Variants in FBXO22 observed in about 807,000 individuals in gnomAD.
FBXO22 encodes the protein F-box only protein 22.
In FBXO22, 13 loss-of-function variants were observed where a neutral mutation model predicts 37.2. That is an observed-to-expected ratio of 0.35 (90% CI 0.23 to 0.56). The LOEUF is 0.56. Among genes scored for constraint, FBXO22 ranks in the 20% least tolerant of loss-of-function variants. The probability of loss-of-function intolerance (pLI) is 0.87; values close to 1 mark genes in which losing one functional copy is unlikely to be tolerated. For synonymous variants in FBXO22, 189 were observed against 189.1 expected, an observed-to-expected ratio of 1.00 and a Z score of 0.00; for missense variants, 446 against 509.9, an observed-to-expected ratio of 0.87 and a Z score of 1.21.
chr15:75,925,748 GAT>G (rs1414418033), intron 5 of FBXO22, among the ~76,000 whole-genome samples: 1 of 151,776 alleles, frequency 6.6e-6, no homozygotes, highest in Non-Finnish European at 1.5e-5. Context: ...AGACCACTGT[GAT>G]GGGGTTTTGC....
In FBXO22 at chr15:75,941,927, A is replaced by C. The variant is rs1236739227; in HGVS notation, c.*8825A>C. Reference sequence around the variant, plus strand: ...TCTTACGTACATTTTGCCACAGTAAATTTTTAAACCACCAAAAAAAAAAAA... The same window carrying C: ...TCTTACGTACATTTTGCCACAGTAACTTTTTAAACCACCAAAAAAAAAAAA... On this transcript the variant is annotated 3_prime_UTR_variant, in exon 7 of 7. Transcript: ENST00000308275. 1 of 91,776 alleles carries C rather than the reference A, an allele frequency of 1.1e-5. No homozygotes were observed. Among genetic ancestry groups the C allele is most frequent in the Non-Finnish European group, 2.1e-5 (1 of 48,608 alleles). 5.7% of individuals were successfully genotyped at this position (91,776 alleles called of 1,614,324 possible).
chr15:75,904,180 G>A, intron 1 of FBXO22, 77 bp downstream of exon 1: 2 of 1,463,548 alleles, frequency 1.4e-6, no homozygotes, highest in East Asian at 2.5e-5. Context: ...GGGGTGGGGG[G>A]AGAGACCCTT....
In FBXO22 at chr15:75,938,428, A is replaced by G. The variant is rs994370268; in HGVS notation, c.*5326A>G. On this transcript the variant is annotated 3_prime_UTR_variant, in exon 7 of 7. Transcript: ENST00000308275. ...GGAACAGGAAAATAATGCGCATTCA[A>G]AAGATCAAAATTAATTGACCTTGTC... The G allele has an allele frequency of 5.3e-5, 8 of 152,230 alleles. No individual in the cohort carries two copies. Among genetic ancestry groups the G allele is most frequent in the African/African-American group, 1.9e-4 (8 of 41,464 alleles). The allele number at this position is 152,230 out of a possible 1,614,324, so 9.4% of individuals were successfully genotyped here.
chr15:75,909,065 T>TA (rs1279907494), intron 2 of FBXO22, among the ~76,000 whole-genome samples: 1 of 152,228 alleles, frequency 6.6e-6, no homozygotes, highest in Non-Finnish European at 1.5e-5. Flanking sequence ...ATTCTGGTAG[T>TA]AAAAAATATT....
intron 4 of FBXO22, among the ~76,000 whole-genome samples, chr15:75,916,907 C>G (rs973068425): frequency 6.6e-6 from 1 of 152,004 alleles, no homozygotes; most frequent in Non-Finnish European, 1.5e-5. Context: ...ACTACCCCCC[C>G]AACTTTTTAA....
chr15:75,907,560 T>C (rs1000731395), intron 2 of FBXO22, among the ~76,000 whole-genome samples: 3 of 152,212 alleles, frequency 2.0e-5, no homozygotes, highest in African/African-American at 7.2e-5. Context: ...ATGGGTACTT[T>C]TATAGCCATA....
chr15:75,922,692 T>C (rs1293484833), intron 5 of FBXO22, among the ~76,000 whole-genome samples: 2 of 152,168 alleles, frequency 1.3e-5, no homozygotes, highest in Admixed American at 6.5e-5. Context: ...TCAGATGTCA[T>C]CGAGCAGAGG....
intron 1 of FBXO22, 162 bp from the exon 2 acceptor site, chr15:75,904,329 C>T: frequency 8.5e-7 from 1 of 1,174,800 alleles, no homozygotes; most frequent in Admixed American, 2.6e-5. Flanking sequence ...CCATATCTGG[C>T]TCTTCTTCCG....
intron 5 of FBXO22, among the ~76,000 whole-genome samples, chr15:75,929,055 A>C (rs997166971): frequency 6.6e-6 from 1 of 152,212 alleles, no homozygotes; most frequent in Admixed American, 6.5e-5. Context: ...TGCACAGTTC[A>C]GGAGGCCAGA....
chr15:75,921,805 C>G (rs150713293), intron 5 of FBXO22, among the ~76,000 whole-genome samples: 1 of 151,810 alleles, frequency 6.6e-6, no homozygotes, highest in Admixed American at 6.6e-5. Flanking sequence ...AACTAAAACA[C>G]AGTCACACAC....
At chr15:75,907,511 C>T (rs1373032981) in intron 2 of FBXO22, among the ~76,000 whole-genome samples, 4 of 152,020 alleles carry the variant, frequency 2.6e-5, no homozygotes, top group Non-Finnish European at 4.4e-5. Context: ...CCAAATCATA[C>T]GTGCTGTTTA....
intron 5 of FBXO22, among the ~76,000 whole-genome samples, chr15:75,921,683 T>C (rs1022763748): frequency 1.3e-5 from 2 of 152,178 alleles, no homozygotes; most frequent in Non-Finnish European, 2.9e-5. Flanking sequence ...AAATTGTTCT[T>C]TAATAATAAA....
intron 5 of FBXO22, among the ~76,000 whole-genome samples, chr15:75,923,501 G>A (rs1900374151): frequency 6.6e-6 from 1 of 152,134 alleles, no homozygotes; most frequent in South Asian, 2.1e-4. Context: ...CATATCCATG[G>A]GTTCTGCATT....
intron 5 of FBXO22, among the ~76,000 whole-genome samples, chr15:75,924,573 A>C (rs996029178): frequency 5.3e-5 from 8 of 152,160 alleles, no homozygotes; most frequent in Admixed American, 5.2e-4. Context: ...CCCCAGCTGC[A>C]ACAGAGGAGG....
At chr15:75,919,852 T>C (rs1406955901) in intron 5 of FBXO22, among the ~76,000 whole-genome samples, 3 of 152,146 alleles carry the variant, frequency 2.0e-5, no homozygotes, top group Non-Finnish European at 4.4e-5. Flanking sequence ...CGATGGCCAA[T>C]GTTTATGGAG....
chr15:75,911,335 A>C (rs1900047217), intron 2 of FBXO22, among the ~76,000 whole-genome samples: 1 of 152,140 alleles, frequency 6.6e-6, no homozygotes, highest in Non-Finnish European at 1.5e-5. Flanking sequence ...ATAGCATTGA[A>C]TCTCTAAATT....
At chr15:75,904,426 T>A in intron 1 of FBXO22, 65 bp from the exon 2 acceptor site, 1 of 1,607,420 alleles carries the variant, frequency 6.2e-7, no homozygotes, top group South Asian at 1.1e-5. Flanking sequence ...GGTGGGGGTT[T>A]GTGAGCTGTG....
At chr15:75,916,190 G>A (rs1037452419) in intron 4 of FBXO22, among the ~76,000 whole-genome samples, 1 of 151,356 alleles carries the variant, frequency 6.6e-6, no homozygotes, top group African/African-American at 2.4e-5. Context: ...CTCTTATGAT[G>A]TTAACCTCTA....
rs755387975 is a variant in FBXO22, at chr15:75,932,850, T to C, written c.960T>C (p.Ile320=). 3.1e-6 allele frequency: 5 copies of C among 1,614,130 alleles called. No individual in the cohort carries two copies. Among genetic ancestry groups the C allele is most frequent in the Admixed American group, 1.7e-5 (1 of 60,010 alleles). ...CCAACATTCCAGAGCATAACACCATTGGCTTCATGTTTGCATGCGTTGGCA... is the reference window on the plus strand; with the variant it reads ...CCAACATTCCAGAGCATAACACCATCGGCTTCATGTTTGCATGCGTTGGCA... ...KAANIPEHNT[I]GFMFACVGRG... The change falls in exon 7 of 7, where the codon ATT becomes ATC. Residue 320 remains isoleucine (I), a synonymous_variant. Coordinates refer to ENST00000308275, the MANE Select transcript of FBXO22 (RefSeq NM_147188.3).
Sources: gnomAD v4.1 joint callset for allele counts (sites outside exome capture counted in the v4.1 genomes callset) on GRCh38, gnomAD v4.1.1 for gene constraint, MANE v1.5 for transcripts, NCBI Gene and HGNC (gene_info 2026-07-23, HGNC 2026-07-21) for gene names.